Variants in POPDC1 observed in about 807,000 individuals in gnomAD.
POPDC1 encodes the protein popeye domain-containing protein 1.
At chr6:105,116,664 A>G in the POPDC1 span, 1 of 1,497,760 alleles carries the variant, frequency 6.7e-7, no homozygotes, top group African/African-American at 1.4e-5. Flanking sequence ...CCTCATATAC[A>G]TATTTATTTA....
At chr6:105,119,605 C>T in the POPDC1 span, among the ~76,000 whole-genome samples, 7 of 152,160 alleles carry the variant, frequency 4.6e-5, no homozygotes, top group African/African-American at 1.7e-4. Flanking sequence ...AGCCATGCAC[C>T]TAAGTGCTAA....
chr6:105,129,828 C>A, the POPDC1 span, among the ~76,000 whole-genome samples: 1 of 152,148 alleles, frequency 6.6e-6, no homozygotes, highest in African/African-American at 2.4e-5. Context: ...TTCAGAATGT[C>A]TTGCAATTTA....
chr6:105,127,813 T>C, the POPDC1 span, among the ~76,000 whole-genome samples: 1 of 151,530 alleles, frequency 6.6e-6, no homozygotes, highest in African/African-American at 2.4e-5. Flanking sequence ...CAGGCTGGAG[T>C]ACAGTGGCAC....
At chr6:105,101,333 A>G in the POPDC1 span, 3 of 1,081,112 alleles carry the variant, frequency 2.8e-6, no homozygotes, top group Non-Finnish European at 3.8e-6. Context: ...CACTAGCAGC[A>G]CCAAGAACAC....
At chr6:105,121,396 T>C in the POPDC1 span, among the ~76,000 whole-genome samples, 1 of 151,666 alleles carries the variant, frequency 6.6e-6, no homozygotes, top group Non-Finnish European at 1.5e-5. Context: ...GCCTCCTGAG[T>C]AGCTGGGATT....
the POPDC1 span, chr6:105,098,357 G>A: frequency 4.6e-5 from 7 of 152,122 alleles, no homozygotes; most frequent in East Asian, 9.6e-4. Context: ...ATAGTCTCAC[G>A]TTTCCCATTC....
the POPDC1 span, among the ~76,000 whole-genome samples, chr6:105,113,951 CACACAA>C: frequency 1.3e-5 from 2 of 150,794 alleles, no homozygotes; most frequent in African/African-American, 4.9e-5. Context: ...GCCACACACA[CACACAA>C]AAAAAACAAA....
chr6:105,133,638 C>A, the POPDC1 span: 13 of 1,314,322 alleles, frequency 9.9e-6, no homozygotes, highest in Admixed American at 1.0e-4. Flanking sequence ...GCAATTGTAT[C>A]TTTTTACCTT....
the POPDC1 span, among the ~76,000 whole-genome samples, chr6:105,116,222 C>T: frequency 1.2e-4 from 18 of 152,196 alleles, 1 homozygote; most frequent in Middle Eastern, 3.4e-3. Flanking sequence ...TAAAAAGATA[C>T]GGGAAAATTA....
At chr6:105,110,953 T>C in the POPDC1 span, among the ~76,000 whole-genome samples, 3 of 152,250 alleles carry the variant, frequency 2.0e-5, no homozygotes, top group Non-Finnish European at 4.4e-5. Context: ...CCCAAAGTGC[T>C]GGGATTATAG....
the POPDC1 span, chr6:105,129,268 T>C: frequency 3.1e-6 from 3 of 962,972 alleles, no homozygotes; most frequent in Non-Finnish European, 2.9e-6. Flanking sequence ...TTCAGAGAAA[T>C]TATATTAAAG....
chr6:105,115,164 G>A, the POPDC1 span, among the ~76,000 whole-genome samples: 5 of 152,364 alleles, frequency 3.3e-5, no homozygotes, highest in South Asian at 2.1e-4. Context: ...TCAACTCACT[G>A]CAAGCTCCGC....
At chr6:105,111,837 TTC>T in the POPDC1 span, among the ~76,000 whole-genome samples, 1 of 152,344 alleles carries the variant, frequency 6.6e-6, no homozygotes, top group African/African-American at 2.4e-5. Context: ...CTGTCCGTAT[TTC>T]TGTTTCACTG....
the POPDC1 span, among the ~76,000 whole-genome samples, chr6:105,131,696 G>A: frequency 6.6e-6 from 1 of 152,196 alleles, no homozygotes; most frequent in Non-Finnish European, 1.5e-5. Context: ...GACTACAGGC[G>A]TTAGCCACTA....
the POPDC1 span, among the ~76,000 whole-genome samples, chr6:105,105,201 T>C: frequency 6.6e-6 from 1 of 152,178 alleles, no homozygotes; most frequent in Non-Finnish European, 1.5e-5. Flanking sequence ...TCCCTGTCCT[T>C]ATAACAACAT....
At chr6:105,135,164 A>G in the POPDC1 span, among the ~76,000 whole-genome samples, 2 of 152,022 alleles carry the variant, frequency 1.3e-5, no homozygotes, top group Non-Finnish European at 2.9e-5. Context: ...GGCAGGGACA[A>G]TGTTTATTCA....
chr6:105,115,909 GA>G, the POPDC1 span: 2 of 1,430,528 alleles, frequency 1.4e-6, no homozygotes, highest in African/African-American at 2.9e-5. Flanking sequence ...ACTTTTCCTA[GA>G]AATACGTTAG....
chr6:105,111,121 C>T, the POPDC1 span, among the ~76,000 whole-genome samples: 12 of 152,140 alleles, frequency 7.9e-5, no homozygotes, highest in African/African-American at 2.9e-4. Context: ...ACGGTTTAAA[C>T]TAACAAGCTT....
chr6:105,130,117 T>A, the POPDC1 span, among the ~76,000 whole-genome samples: 133,738 of 152,216 alleles, frequency 0.88, 59,747 homozygotes, highest in Non-Finnish European at 0.96. Flanking sequence ...TCTACTACTT[T>A]AAGAAAGCCA....
Sources: allele counts gnomAD v4.1 joint callset (sites outside exome capture counted in the v4.1 genomes callset), GRCh38; gene constraint gnomAD v4.1.1; transcripts MANE v1.5; gene names NCBI Gene and HGNC (gene_info 2026-07-23, HGNC 2026-07-21).